The following ZNF385B variants were observed in gnomAD, a reference collection of about 807,000 sequenced individuals.
The protein encoded by ZNF385B is zinc finger protein 533.
Under a neutral mutation model 39.2 loss-of-function variants are expected in ZNF385B, and 23 were observed. The observed-to-expected ratio is 0.59, with a 90% CI of 0.42 to 0.83. The LOEUF is 0.83. Ranked by LOEUF, ZNF385B falls within the 40% of genes least tolerant of loss-of-function variation. The pLI, the probability that ZNF385B is intolerant of heterozygous loss-of-function variation, is 0.00. For missense variants in ZNF385B, 552 were observed against 598.9 expected, an observed-to-expected ratio of 0.92 and a Z score of 0.82; for synonymous variants, 205 against 222.6, an observed-to-expected ratio of 0.92 and a Z score of 0.70.
At chr2:179,526,377 G>A (rs2058899252) in intron 4 of ZNF385B, among the ~76,000 whole-genome samples, 1 of 151,804 alleles carries the variant, frequency 6.6e-6, no homozygotes, top group Non-Finnish European at 1.5e-5. Flanking sequence ...ATCACCTCAG[G>A]TCAGGAGTTC....
At chr2:179,561,147 C>CACA (rs1167121301) in intron 3 of ZNF385B, among the ~76,000 whole-genome samples, 2 of 152,192 alleles carry the variant, frequency 1.3e-5, no homozygotes, top group Admixed American at 6.6e-5. Context: ...ATATATTTTA[C>CACA]ACACACCACA....
rs552039035 is a variant in ZNF385B at position 179,612,801 on chromosome 2, C to T, written c.299-67832G>A. The stretch of plus-strand genomic sequence containing the variant: ...TGGGCTGGCGGCAAAGCCAGCCAGG[C>T]TTATGTCCTTCCCTTCAAAGTAGTG... On this transcript the variant is annotated intron_variant, in intron 3 of 9. Transcript: ENST00000410066. Among the ~76,000 whole-genome samples the T allele has an allele frequency of 3.3e-5, 5 of 152,228 alleles. No homozygotes were observed. In the South Asian group the frequency reaches 1.0e-3, roughly 32 times the overall value.
chr2:179,708,255 AG>A (rs1355977038), intron 3 of ZNF385B, among the ~76,000 whole-genome samples: 2 of 152,200 alleles, frequency 1.3e-5, no homozygotes, highest in African/African-American at 4.8e-5. Context: ...CTTGATAGTG[AG>A]TGTTTGACAA....
intron 3 of ZNF385B, among the ~76,000 whole-genome samples, chr2:179,602,565 T>C (rs1486921626): frequency 6.6e-6 from 1 of 152,164 alleles, no homozygotes; most frequent in Non-Finnish European, 1.5e-5. Context: ...AGACTGCTAA[T>C]TGGAATTACA....
chr2:179,663,031 A>G (rs1449283008), intron 3 of ZNF385B, among the ~76,000 whole-genome samples: 1 of 152,200 alleles, frequency 6.6e-6, no homozygotes, highest in Non-Finnish European at 1.5e-5. Context: ...ATAACAAGGT[A>G]TCTTTCAATT....
chr2:179,656,334 T>G (rs986349612), intron 3 of ZNF385B, among the ~76,000 whole-genome samples: 13 of 152,114 alleles, frequency 8.5e-5, no homozygotes, highest in Non-Finnish European at 1.6e-4. Context: ...GATTCCCAAG[T>G]AAACTAAAGA....
At chr2:179,694,688 G>A (rs1346315535) in intron 3 of ZNF385B, among the ~76,000 whole-genome samples, 1 of 152,172 alleles carries the variant, frequency 6.6e-6, no homozygotes, top group Non-Finnish European at 1.5e-5. Flanking sequence ...CCAGCAATTT[G>A]GGAGGTCAAG....
intron 1 of ZNF385B, among the ~76,000 whole-genome samples, chr2:179,803,574 T>A (rs13399303): frequency 6.6e-6 from 1 of 151,998 alleles, no homozygotes; most frequent in Non-Finnish European, 1.5e-5. Flanking sequence ...CACGATATTA[T>A]AAGATTTATA....
chr2:179,531,928 A>C (rs952421215), intron 4 of ZNF385B, among the ~76,000 whole-genome samples: 5 of 152,374 alleles, frequency 3.3e-5, no homozygotes, highest in African/African-American at 7.2e-5. Flanking sequence ...TGTACACATA[A>C]TAGCTCTTCT....
At chr2:179,520,119 C>T (rs755982362) in intron 4 of ZNF385B, among the ~76,000 whole-genome samples, 1 of 151,600 alleles carries the variant, frequency 6.6e-6, no homozygotes, top group African/African-American at 2.4e-5. Flanking sequence ...ATCACTTGAG[C>T]TTAGGAGTTT....
intron 3 of ZNF385B, among the ~76,000 whole-genome samples, chr2:179,637,764 C>T (rs1257830904): frequency 6.6e-6 from 1 of 152,124 alleles, no homozygotes. Flanking sequence ...GCAATCTAAT[C>T]CCAGAGACAG....
chr2:179,772,214 A>G (rs1704051449), intron 1 of ZNF385B, among the ~76,000 whole-genome samples: 1 of 152,210 alleles, frequency 6.6e-6, no homozygotes, highest in African/African-American at 2.4e-5. Context: ...AAGTAGGAAG[A>G]AAGATATCTT....
rs567175397 is a variant in ZNF385B at position 179,453,494 on chromosome 2, A to G, written c.716-6724T>C. Among the ~76,000 whole-genome samples, 310 of 152,252 alleles carry G rather than the reference A, an allele frequency of 2.0e-3. 1 individual carries two copies. Among genetic ancestry groups the G allele is most frequent in the Non-Finnish European group, 2.6e-3 (175 of 68,012 alleles). On this transcript the variant is annotated intron_variant, in intron 6 of 9. Transcript: ENST00000410066. Reference sequence around the variant, plus strand: ...TTCTGGTCTGGTTGGGAGCTTCTGAATCCCAAACTAATAAAGCTAGAAATG... The same window carrying G: ...TTCTGGTCTGGTTGGGAGCTTCTGAGTCCCAAACTAATAAAGCTAGAAATG...
intron 3 of ZNF385B, among the ~76,000 whole-genome samples, chr2:179,741,859 T>C (rs1479129263): frequency 6.6e-6 from 1 of 151,974 alleles, no homozygotes; most frequent in Non-Finnish European, 1.5e-5. Context: ...ATCTAGTGGG[T>C]GGCAGTCAGA....
intron 6 of ZNF385B, among the ~76,000 whole-genome samples, chr2:179,466,798 G>A (rs1277370144): frequency 1.3e-5 from 2 of 150,948 alleles, no homozygotes; most frequent in South Asian, 4.2e-4. Flanking sequence ...GCACACATCT[G>A]TAATCCCAGC....
chr2:179,670,687 A>G (rs1459620856), intron 3 of ZNF385B, among the ~76,000 whole-genome samples: 1 of 152,222 alleles, frequency 6.6e-6, no homozygotes, highest in Non-Finnish European at 1.5e-5. Flanking sequence ...TTAATCACGG[A>G]GTTTTCTTGG....
chr2:179,598,014 C>G lies in ZNF385B; in HGVS notation c.299-53045G>C, dbSNP rs1045358329. Reference sequence around the variant, plus strand: ...AGTTAGCAAGAATAAAAAAAGATGTCTAATATAATTGCCATGGTAATTACA... The same window carrying G: ...AGTTAGCAAGAATAAAAAAAGATGTGTAATATAATTGCCATGGTAATTACA... On this transcript the variant is annotated intron_variant, in intron 3 of 9. Transcript: ENST00000410066. Among the ~76,000 whole-genome samples, 57 of 152,152 alleles carry G rather than the reference C, an allele frequency of 3.7e-4. 1 individual carries two copies. The highest frequency in any genetic ancestry group is 1.3e-3 in the African/African-American group (56 of 41,518).
At chr2:179,745,754 C>A in intron 3 of ZNF385B, 4 of 1,540,332 alleles carry the variant, frequency 2.6e-6, no homozygotes, top group Non-Finnish European at 3.5e-6. Flanking sequence ...AGGGCTCTCA[C>A]CAGCTTCAAG....
At chr2:179,508,650 G>A (rs1453510231) in intron 5 of ZNF385B, among the ~76,000 whole-genome samples, 1 of 152,160 alleles carries the variant, frequency 6.6e-6, no homozygotes, top group Non-Finnish European at 1.5e-5. Flanking sequence ...ACCAAAACTT[G>A]CAATTTCGAT....
Sources: gnomAD v4.1 joint callset for allele counts (sites outside exome capture counted in the v4.1 genomes callset) on GRCh38, gnomAD v4.1.1 for gene constraint, MANE v1.5 for transcripts, NCBI Gene and HGNC (gene_info 2026-07-23, HGNC 2026-07-21) for gene names.